ATAD2B: variants seen among roughly 807,000 people sequenced by gnomAD.
The protein encoded by ATAD2B is ATPase family AAA domain-containing protein 2B.
A neutral mutation model predicts 167.6 loss-of-function variants in ATAD2B; 40 were observed. That is an observed-to-expected ratio of 0.24 (90% CI 0.19 to 0.31). The LOEUF is 0.31. Ranked by LOEUF, ATAD2B falls within the 10% of genes least tolerant of loss-of-function variation. The pLI is 1.00. For missense variants in ATAD2B, 1,242 were observed against 1,757.2 expected, an observed-to-expected ratio of 0.71 and a Z score of 5.24; for synonymous variants, 579 against 596.5, an observed-to-expected ratio of 0.97 and a Z score of 0.43.
intron 2 of ATAD2B, among the ~76,000 whole-genome samples, chr2:23,891,294 A>G (rs1462879047): frequency 6.6e-6 from 1 of 152,094 alleles, no homozygotes; most frequent in African/African-American, 2.4e-5. Context: ...TGCTAAGATT[A>G]CAGGCGTAAG....
intron 16 of ATAD2B, among the ~76,000 whole-genome samples, chr2:23,822,590 T>A (rs1459143141): frequency 2.0e-5 from 3 of 150,742 alleles, no homozygotes; most frequent in Non-Finnish European, 3.0e-5. Flanking sequence ...CCCTGCTCTA[T>A]ATAATCAGAG....
chr2:23,747,079 T>C (rs886970249), downstream of ATAD2B, among the ~76,000 whole-genome samples: 1 of 152,126 alleles, frequency 6.6e-6, no homozygotes, highest in South Asian at 2.1e-4. Context: ...GGTAAATTTG[T>C]GCCTTCTATG....
Position 23,754,740 on chromosome 2 carries a change from A to G in ATAD2B, c.4113T>C (p.Ile1371=), listed in dbSNP as rs775085537. Residue 1371 remains isoleucine, a synonymous_variant, in exon 26 of 28, where the codon ATT becomes ATC. Transcript: ENST00000238789. ...ASKVKKYRKL[I]LEQAKTTSLE... ...GGCTTGTCGTTTTTGCCTGCTCTAA[A>G]ATTAATTTACGGTATTTCTTTACTT... 1.2e-6 allele frequency: 2 copies of G among 1,612,842 alleles called. No individual in the cohort carries two copies. Among genetic ancestry groups the G allele is most frequent in the Non-Finnish European group, 1.7e-6 (2 of 1,179,194 alleles).
intron 17 of ATAD2B, among the ~76,000 whole-genome samples, chr2:23,813,626 G>C (rs1241572769): frequency 1.3e-5 from 2 of 151,396 alleles, no homozygotes. Context: ...TGCACCTGTA[G>C]TCCCAGCCAC....
chr2:23,767,525 A>AC (rs1436175723), intron 22 of ATAD2B, among the ~76,000 whole-genome samples: 4 of 152,238 alleles, frequency 2.6e-5, no homozygotes, highest in South Asian at 2.1e-4. Flanking sequence ...AGTAGTCAGA[A>AC]CATAATAAGC....
chr2:23,888,650 A>C (rs887756662), intron 2 of ATAD2B, among the ~76,000 whole-genome samples: 2 of 152,184 alleles, frequency 1.3e-5, no homozygotes, highest in Non-Finnish European at 2.9e-5. Context: ...TCTACAAATC[A>C]AAACCCAAAA....
chr2:23,725,313 AG>A, the ATAD2B span, among the ~76,000 whole-genome samples: 278 of 152,356 alleles, frequency 1.8e-3, 2 homozygotes, highest in African/African-American at 6.4e-3. Flanking sequence ...GAGATGCTAA[AG>A]GAAATTCTTT....
Position 23,926,734 on chromosome 2 carries a change from C to G in ATAD2B, c.37G>C (p.Gly13Arg), listed in dbSNP as rs766576751. 1.3e-6 allele frequency: 2 copies of G among 1,548,230 alleles called. No individual in the cohort carries two copies. The highest frequency in any genetic ancestry group is 8.7e-7 in the Non-Finnish European group (1 of 1,146,236). Residue 13 changes from glycine to arginine, a missense_variant, in exon 1 of 28, where the codon GGG (glycine) becomes CGG (arginine). Physicochemically the swap from Gly to Arg is moderately radical, Grantham distance 125. This residue lies in a region of ATAD2B where 199 missense variants were observed against 194.9 expected (regional missense o/e 1.02). Coordinates refer to ENST00000238789, the MANE Select transcript of ATAD2B (RefSeq NM_017552.4). ...GGCCCGGGACCAGGAGACTTGGACC[C>G]GAGAAGGCGGAGAGAGCTCTTCCGG... Reference protein sequence around the residue: ...NTRKSSLRLLGSKSPGPGPGP... With the variant: ...NTRKSSLRLLRSKSPGPGPGP...
chr2:23,686,851 C>T, the ATAD2B span, among the ~76,000 whole-genome samples: 1 of 152,158 alleles, frequency 6.6e-6, no homozygotes, highest in Non-Finnish European at 1.5e-5. Flanking sequence ...GAAGCCAAAG[C>T]CAAGCCCAGG....
intron 22 of ATAD2B, among the ~76,000 whole-genome samples, chr2:23,775,063 G>A (rs1376226314): frequency 2.6e-5 from 4 of 151,894 alleles, no homozygotes; most frequent in Non-Finnish European, 4.4e-5. Context: ...AAATAACTAT[G>A]GGCAAAAAAG....
chr2:23,782,775 T>C (rs1572729306), intron 22 of ATAD2B, 94 bp downstream of exon 22: 1 of 1,062,778 alleles, frequency 9.4e-7, no homozygotes, highest in Non-Finnish European at 1.3e-6. Flanking sequence ...GTCATGAAAA[T>C]TATCTATCTA....
At chr2:23,861,023 A>G (rs1458027035) in intron 12 of ATAD2B, among the ~76,000 whole-genome samples, 4 of 152,156 alleles carry the variant, frequency 2.6e-5, no homozygotes, top group Non-Finnish European at 5.9e-5. Flanking sequence ...TTTTGGGGAA[A>G]AAAAGTTAAA....
At chr2:23,725,992 TACAC>T in the ATAD2B span, among the ~76,000 whole-genome samples, 2 of 151,708 alleles carry the variant, frequency 1.3e-5, no homozygotes, top group East Asian at 3.9e-4. Context: ...AGAGTGACAC[TACAC>T]ACACACACCC....
chr2:23,704,741 T>C, the ATAD2B span, among the ~76,000 whole-genome samples: 9 of 152,144 alleles, frequency 5.9e-5, no homozygotes, highest in Non-Finnish European at 1.3e-4. Context: ...CACTCCAGCC[T>C]GGGTGACAGG....
intron 13 of ATAD2B, among the ~76,000 whole-genome samples, chr2:23,853,289 C>T (rs1352436969): frequency 1.3e-5 from 2 of 152,134 alleles, no homozygotes; most frequent in Non-Finnish European, 2.9e-5. Flanking sequence ...AGTAGAAGTA[C>T]CTTTATTTGC....
At chr2:23,748,292 T>C (rs562499205), downstream of ATAD2B, among the ~76,000 whole-genome samples, 119 of 152,272 alleles carry the variant, frequency 7.8e-4, 2 homozygotes, top group South Asian at 0.022. Flanking sequence ...TTATGTGCTA[T>C]ACTGTACAAA....
At position 23,824,655 on chromosome 2, in the gene ATAD2B, T is replaced by C. The variant is rs1410841521; in HGVS notation, c.1820-1086A>G. ...ATCTAAGGGTTATACCAACATAAGG[T>C]ATTATTTATTACCCATGTTTAATGT... On this transcript the variant is annotated intron_variant, in intron 15 of 27. Coordinates refer to ENST00000238789, the MANE Select transcript of ATAD2B (RefSeq NM_017552.4). 2.0e-5 allele frequency among the ~76,000 whole-genome samples: 3 copies of C among 152,192 alleles called. No individual in the cohort carries two copies. The East Asian group carries it at 5.8e-4, about 29-fold the overall frequency.
the ATAD2B span, among the ~76,000 whole-genome samples, chr2:23,741,507 A>G: frequency 6.6e-6 from 1 of 152,150 alleles, no homozygotes; most frequent in Admixed American, 6.5e-5. Flanking sequence ...CATATGTAGA[A>G]AGCTGAAACT....
intron 11 of ATAD2B, 23 bp downstream of exon 11, chr2:23,864,786 T>TA (rs775811544): frequency 8.6e-7 from 1 of 1,164,142 alleles, no homozygotes. Flanking sequence ...ATAACAATAA[T>TA]AAACATCTAT....
Sources: allele counts gnomAD v4.1 joint callset (sites outside exome capture counted in the v4.1 genomes callset), GRCh38; gene constraint gnomAD v4.1.1; regional missense constraint gnomAD v4.1.1; transcripts MANE v1.5; gene names NCBI Gene and HGNC (gene_info 2026-07-23, HGNC 2026-07-21).